Variants in TPST1 observed in about 807,000 individuals in gnomAD.
The protein encoded by TPST1 is protein-tyrosine sulfotransferase 1.
TPST1 carries 20 observed loss-of-function variants against 34.8 expected under a neutral mutation model. The observed-to-expected ratio is 0.57, with a 90% CI of 0.40 to 0.84. The LOEUF is 0.84. TPST1 is among the 40% of genes least tolerant of loss of function. The pLI, the probability that TPST1 is intolerant of heterozygous loss-of-function variation, is 0.00. For missense variants in TPST1, 353 were observed against 455.5 expected (o/e 0.78, Z 2.05); for synonymous variants, 152 against 159.4 (o/e 0.95, Z 0.35).
intron 2 of TPST1, among the ~76,000 whole-genome samples, chr7:66,253,058 G>A (rs1178027313): frequency 6.6e-6 from 1 of 152,192 alleles, no homozygotes; most frequent in Non-Finnish European, 1.5e-5. Context: ...AAATTCCACA[G>A]AGTTCCCAAA....
At chr7:66,352,382 T>TAAA (rs1792497747) in intron 3 of TPST1, 123 bp from the exon 4 acceptor site, 1 of 1,504,298 alleles carries the variant, frequency 6.6e-7, no homozygotes, top group Admixed American at 2.4e-5. Context: ...ACAGGCTTCT[T>TAAA]TCTCATTCTA....
intron 3 of TPST1, among the ~76,000 whole-genome samples, chr7:66,330,416 G>A (rs554070811): frequency 6.6e-6 from 1 of 152,198 alleles, no homozygotes; most frequent in Non-Finnish European, 1.5e-5. Flanking sequence ...ATTGTGTCCT[G>A]GCTCCTTTTA....
At chr7:66,356,197 A>C (rs1029469455) in intron 4 of TPST1, among the ~76,000 whole-genome samples, 1 of 152,334 alleles carries the variant, frequency 6.6e-6, no homozygotes, top group Middle Eastern at 3.4e-3. Flanking sequence ...AAAACTCGGT[A>C]AAGTGTAGTA....
chr7:66,322,636 A>G (rs1562844205), intron 3 of TPST1, among the ~76,000 whole-genome samples: 1 of 152,160 alleles, frequency 6.6e-6, no homozygotes, highest in East Asian at 1.9e-4. Context: ...TCATCTGTTG[A>G]TCAATTTGGG....
chr7:66,237,637 A>G (rs1362207864), intron 1 of TPST1, among the ~76,000 whole-genome samples: 6 of 152,156 alleles, frequency 3.9e-5, no homozygotes, highest in Non-Finnish European at 8.8e-5. Context: ...GCAAACCATT[A>G]GGACTGGCTG....
intron 2 of TPST1, among the ~76,000 whole-genome samples, chr7:66,264,821 G>A (rs377445387): frequency 5.9e-5 from 9 of 152,268 alleles, no homozygotes; most frequent in South Asian, 4.1e-4. Flanking sequence ...AAGCCCAGAC[G>A]TTAGAATTTC....
chr7:66,304,222 T>C (rs893972408), intron 3 of TPST1, among the ~76,000 whole-genome samples: 4 of 152,226 alleles, frequency 2.6e-5, no homozygotes, highest in South Asian at 2.1e-4. Flanking sequence ...ACCAGAGGAA[T>C]AGGCACTGAT....
chr7:66,307,151 G>A (rs77375782), intron 3 of TPST1, among the ~76,000 whole-genome samples: 1 of 149,908 alleles, frequency 6.7e-6, no homozygotes, highest in Non-Finnish European at 1.5e-5. Flanking sequence ...TTTTTTTTTA[G>A]ATGGAGTCTC....
intron 2 of TPST1, among the ~76,000 whole-genome samples, chr7:66,261,858 C>T (rs1197086435): frequency 6.6e-6 from 1 of 152,042 alleles, no homozygotes; most frequent in Non-Finnish European, 1.5e-5. Flanking sequence ...ATGTAAAGAG[C>T]TTAGGATAGT....
chr7:66,217,511 G>A (rs1176165360), intron 1 of TPST1, among the ~76,000 whole-genome samples: 1 of 152,146 alleles, frequency 6.6e-6, no homozygotes, highest in East Asian at 1.9e-4. Flanking sequence ...ATAGTTTGCT[G>A]TTTGCATGAT....
chr7:66,314,547 CAA>C (rs1297058654), intron 3 of TPST1, among the ~76,000 whole-genome samples: 2 of 152,100 alleles, frequency 1.3e-5, no homozygotes, highest in Non-Finnish European at 2.9e-5. Context: ...TAAAAACGAT[CAA>C]TGTGGAAAAA....
chr7:66,300,170 G>A (rs1791285560), intron 3 of TPST1, among the ~76,000 whole-genome samples: 1 of 152,202 alleles, frequency 6.6e-6, no homozygotes, highest in South Asian at 2.1e-4. Context: ...ACCATTCAGG[G>A]TGGTGGTTGC....
intron 3 of TPST1, among the ~76,000 whole-genome samples, chr7:66,347,442 C>T (rs910891667): frequency 1.2e-4 from 19 of 152,042 alleles, no homozygotes; most frequent in African/African-American, 4.3e-4. Flanking sequence ...CTGTTCTTTC[C>T]CCAATGTATG....
At chr7:66,329,088 T>C (rs1791944855) in intron 3 of TPST1, among the ~76,000 whole-genome samples, 3 of 150,820 alleles carry the variant, frequency 2.0e-5, no homozygotes, top group African/African-American at 7.3e-5. Context: ...ATACTTGTAT[T>C]TTTTTGTAGA....
At chr7:66,309,398 G>A (rs538983202) in intron 3 of TPST1, among the ~76,000 whole-genome samples, 31 of 152,266 alleles carry the variant, frequency 2.0e-4, no homozygotes, top group African/African-American at 7.0e-4. Context: ...CAAGTCCAAC[G>A]TTACATTCCT....
rs770468690 is a variant in TPST1, at chr7:66,357,006, G to A, written c.*29+135G>A. 4.7e-5 allele frequency: 35 copies of A among 746,994 alleles called. No individual in the cohort carries two copies. In the Middle Eastern group the frequency reaches 1.4e-3, roughly 29 times the overall value. The allele number at this position is 746,994 out of a possible 1,614,324, so 46.3% of individuals were successfully genotyped here. ...GGAATCCTGCCTCTTCACTTTCTGT[G>A]TGGAAGCAAGCACATTACTTCACCT... On this transcript the variant is annotated intron_variant, in intron 5 of 5. Transcript: ENST00000304842.
At chr7:66,229,080 T>G (rs1251509135) in intron 1 of TPST1, among the ~76,000 whole-genome samples, 1 of 151,644 alleles carries the variant, frequency 6.6e-6, no homozygotes. Flanking sequence ...TTTGTCTTTT[T>G]GAGGATGTTT....
chr7:66,215,325 T>G (rs1050512775), intron 1 of TPST1, among the ~76,000 whole-genome samples: 1 of 150,662 alleles, frequency 6.6e-6, no homozygotes, highest in Non-Finnish European at 1.5e-5. Context: ...CCCAAAGTGT[T>G]AGGATTACAG....
intron 3 of TPST1, among the ~76,000 whole-genome samples, chr7:66,331,812 G>A (rs1347789745): frequency 6.6e-6 from 1 of 151,914 alleles, no homozygotes. Context: ...CTAGTAAGTT[G>A]CTGCAAAAGT....
Sources: allele counts gnomAD v4.1 joint callset (sites outside exome capture counted in the v4.1 genomes callset), GRCh38; gene constraint gnomAD v4.1.1; transcripts MANE v1.5; gene names NCBI Gene and HGNC (gene_info 2026-07-23, HGNC 2026-07-21).